PPP4R3A: variants seen among roughly 807,000 people sequenced by gnomAD.
PPP4R3A encodes serine/threonine-protein phosphatase 4 regulatory subunit 3A.
Under a neutral mutation model 91.7 loss-of-function variants are expected in PPP4R3A, and 15 were observed. The ratio of observed to expected loss-of-function variants is 0.16; its 90% CI spans 0.11 to 0.25. The LOEUF is 0.25. Among genes scored for constraint, PPP4R3A ranks in the 10% least tolerant of loss-of-function variants. The pLI is 1.00. For missense variants in PPP4R3A, 623 were observed against 998.4 expected (o/e 0.62, Z 5.07); for synonymous variants, 377 against 348.7 (o/e 1.08, Z -0.91).
At position 91,510,051 on chromosome 14, in the gene PPP4R3A, C is replaced by T. The variant is rs1203695487; in HGVS notation, c.-404G>A. ...CCGCCTCCTCAGGCCGCCGCCGCCG[C>T]CGCCATATTTTCCTTCCTTATACCT... On this transcript the variant is annotated 5_prime_UTR_variant, in exon 1 of 15. Transcript: ENST00000554943. 2 of 677,270 alleles carry T rather than the reference C, an allele frequency of 3.0e-6. No homozygotes were observed. Among genetic ancestry groups the T allele is most frequent in the Non-Finnish European group, 3.7e-6 (2 of 545,748 alleles). 42.0% of individuals were successfully genotyped at this position (677,270 alleles called of 1,614,324 possible).
At chr14:91,503,698 A>C (rs1209722711) in intron 1 of PPP4R3A, among the ~76,000 whole-genome samples, 1 of 152,198 alleles carries the variant, frequency 6.6e-6, no homozygotes, top group Non-Finnish European at 1.5e-5. Context: ...AAACCTGCAC[A>C]CGTACCCGGG....
intron 1 of PPP4R3A, among the ~76,000 whole-genome samples, chr14:91,491,579 G>A (rs980438557): frequency 1.3e-5 from 2 of 151,636 alleles, no homozygotes; most frequent in Non-Finnish European, 2.9e-5. Context: ...AGATAATTTT[G>A]TATTTTTAGT....
intron 9 of PPP4R3A, among the ~76,000 whole-genome samples, chr14:91,472,349 A>G (rs1888899200): frequency 6.6e-6 from 1 of 152,166 alleles, no homozygotes; most frequent in Non-Finnish European, 1.5e-5. Flanking sequence ...CCTTCTATTT[A>G]TATTTCACCA....
In PPP4R3A at chr14:91,481,785, G is replaced by A; in HGVS notation, c.706C>T (p.His236Tyr). The stretch of plus-strand genomic sequence containing the variant: ...GCTGTTTTTGTTAGAAATTCCCTGT[G>A]TTTTCGTGGTTGTGATAAAGCAGGA... The part of the protein sequence containing the change: ...YDPALSQPRK[H>Y]REFLTKTAKF... Residue 236 changes from histidine (H) to tyrosine (Y), a missense_variant, in exon 4 of 15, where the codon CAC becomes TAC. His to Tyr is a moderately conservative substitution (Grantham distance 83, BLOSUM62 2). Around this residue, in one of 5 missense-constraint regions of PPP4R3A, gnomAD observed 264 missense variants for 377.3 expected, o/e 0.70. Coordinates refer to ENST00000554943, the MANE Select transcript of PPP4R3A (RefSeq NM_001366432.2). 1 of 1,613,988 alleles carries A rather than the reference G, an allele frequency of 6.2e-7. No individual in the cohort carries two copies. The highest frequency in any genetic ancestry group is 8.5e-7 in the Non-Finnish European group (1 of 1,179,994).
At chr14:91,491,270 G>A (rs1289703861) in intron 1 of PPP4R3A, among the ~76,000 whole-genome samples, 1 of 151,840 alleles carries the variant, frequency 6.6e-6, no homozygotes, top group African/African-American at 2.4e-5. Flanking sequence ...ATGTTGCCCA[G>A]GCTGGTCTCC....
rs997405568 is a variant in PPP4R3A at position 91,457,960 on chromosome 14, T to C, written c.*799A>G. On this transcript the variant is annotated 3_prime_UTR_variant, in exon 15 of 15. Coordinates refer to ENST00000554943, the MANE Select transcript of PPP4R3A (RefSeq NM_001366432.2). ...TCTAAACAAATTAAGAACTGTGATG[T>C]AGAACAAAAATTACACATGGTAAAA... 1.3e-5 allele frequency: 2 copies of C among 152,514 alleles called. No individual in the cohort carries two copies. Among genetic ancestry groups the C allele is most frequent in the Non-Finnish European group, 2.9e-5 (2 of 68,028 alleles). The allele number at this position is 152,514 out of a possible 1,614,324, so 9.4% of individuals were successfully genotyped here. A position where few individuals can be genotyped will look rare whatever the true frequency, so the allele number is the denominator to read the frequency against.
intron 7 of PPP4R3A, among the ~76,000 whole-genome samples, chr14:91,473,992 C>T (rs1282463897): frequency 6.6e-6 from 1 of 152,290 alleles, no homozygotes; most frequent in Admixed American, 6.5e-5. Context: ...TAGTCTTGAA[C>T]TCCCTACCTC....
At chr14:91,497,401 GAGAA>G (rs1309419557) in intron 1 of PPP4R3A, among the ~76,000 whole-genome samples, 2 of 151,290 alleles carry the variant, frequency 1.3e-5, no homozygotes, top group African/African-American at 2.4e-5. Context: ...CCACACATCT[GAGAA>G]AGACATTGTC....
chr14:91,491,182 C>T (rs1203084611), intron 1 of PPP4R3A, among the ~76,000 whole-genome samples: 2 of 151,992 alleles, frequency 1.3e-5, no homozygotes, highest in Admixed American at 1.3e-4. Context: ...GCTGGCATTA[C>T]ACCCGTGAGC....
intron 1 of PPP4R3A, among the ~76,000 whole-genome samples, chr14:91,495,764 T>A (rs545965521): frequency 6.6e-6 from 1 of 151,856 alleles, no homozygotes; most frequent in Non-Finnish European, 1.5e-5. Context: ...AAAAAAATTT[T>A]AAAAATTAGC....
At chr14:91,504,807 C>T (rs999312376) in intron 1 of PPP4R3A, among the ~76,000 whole-genome samples, 2 of 152,128 alleles carry the variant, frequency 1.3e-5, no homozygotes, top group African/African-American at 4.8e-5. Flanking sequence ...CATGACAGAT[C>T]TGCTCTGTAA....
At chr14:91,507,429 CTA>C (rs1200574558) in intron 1 of PPP4R3A, among the ~76,000 whole-genome samples, 2 of 129,564 alleles carry the variant, frequency 1.5e-5, no homozygotes, top group Non-Finnish European at 1.6e-5. Context: ...AATATATATA[CTA>C]TAATTATATA....
At chr14:91,503,864 T>C (rs909015052) in intron 1 of PPP4R3A, among the ~76,000 whole-genome samples, 2 of 151,960 alleles carry the variant, frequency 1.3e-5, no homozygotes, top group African/African-American at 4.8e-5. Context: ...AAAAACAAAA[T>C]AATCTGAAAT....
At chr14:91,496,305 CA>C (rs1182966695) in intron 1 of PPP4R3A, among the ~76,000 whole-genome samples, 2 of 152,032 alleles carry the variant, frequency 1.3e-5, no homozygotes, top group Non-Finnish European at 2.9e-5. Flanking sequence ...TACTGCAATT[CA>C]AAAGTTTTTT....
At chr14:91,484,796 A>G (rs1889785544) in intron 3 of PPP4R3A, among the ~76,000 whole-genome samples, 1 of 152,228 alleles carries the variant, frequency 6.6e-6, no homozygotes, top group African/African-American at 2.4e-5. Flanking sequence ...TTCTCTAGAT[A>G]AAGTAAACAT....
chr14:91,501,958 G>A (rs570384028), intron 1 of PPP4R3A, among the ~76,000 whole-genome samples: 40 of 144,978 alleles, frequency 2.8e-4, no homozygotes, highest in Non-Finnish European at 5.2e-4. Context: ...TCTTGACCTC[G>A]TGATCTGCCC....
chr14:91,467,955 A>C (rs1767813329), intron 10 of PPP4R3A, among the ~76,000 whole-genome samples: 1 of 152,220 alleles, frequency 6.6e-6, no homozygotes, highest in South Asian at 2.1e-4. Context: ...CAGAAGAACC[A>C]CAAGTATCTT....
intron 14 of PPP4R3A, among the ~76,000 whole-genome samples, chr14:91,460,637 C>CCTT (rs1888080927): frequency 9.0e-6 from 1 of 111,282 alleles, no homozygotes; most frequent in Non-Finnish European, 1.8e-5. Flanking sequence ...GATTTTGTTC[C>CCTT]TTTTTTTTTT....
chr14:91,463,219 C>G (rs529624013), intron 11 of PPP4R3A, among the ~76,000 whole-genome samples: 1 of 152,178 alleles, frequency 6.6e-6, no homozygotes, highest in African/African-American at 2.4e-5. Context: ...GCATGCACCA[C>G]CACGCCTGGC....
Sources: allele counts gnomAD v4.1 joint callset (sites outside exome capture counted in the v4.1 genomes callset), GRCh38; gene constraint gnomAD v4.1.1; regional missense constraint gnomAD v4.1.1; transcripts MANE v1.5; gene names NCBI Gene and HGNC (gene_info 2026-07-23, HGNC 2026-07-21).